UBASH3A: variants seen among roughly 807,000 people sequenced by gnomAD.
UBASH3A encodes the protein ubiquitin-associated and SH3 domain-containing protein A.
Under a neutral mutation model 73.5 loss-of-function variants are expected in UBASH3A, and 63 were observed. The observed-to-expected ratio is 0.86, with a 90% CI of 0.70 to 1.06. The LOEUF is 1.06. Among genes scored for constraint, UBASH3A ranks in the 50% least tolerant of loss-of-function variants. The probability of loss-of-function intolerance (pLI) is 0.00; values close to 1 mark genes in which losing one functional copy is unlikely to be tolerated. For missense variants in UBASH3A, 860 were observed against 859.0 expected, an observed-to-expected ratio of 1.00 and a Z score of -0.02; for synonymous variants, 363 against 351.1, an observed-to-expected ratio of 1.03 and a Z score of -0.38.
At chr21:42,407,126 G>A (rs142039010) in intron 2 of UBASH3A, among the ~76,000 whole-genome samples, 1 of 152,214 alleles carries the variant, frequency 6.6e-6, no homozygotes, top group East Asian at 1.9e-4. Flanking sequence ...CCACTGCCAT[G>A]GGCCTGTTCT....
At position 42,443,265 on chromosome 21, in the gene UBASH3A, C is replaced by A. The variant is rs761673491; in HGVS notation, c.1632-47C>A. Reference sequence around the variant, plus strand: ...CTAACTGCAGCTGAGCCTTCCTAATCCCTACGAAAGTGCCAGGGCAGCAGC... The same window carrying A: ...CTAACTGCAGCTGAGCCTTCCTAATACCTACGAAAGTGCCAGGGCAGCAGC... On this transcript the variant is annotated intron_variant, in intron 12 of 14. Transcript: ENST00000319294. 16 of 1,582,006 alleles carry A rather than the reference C, an allele frequency of 1.0e-5. No individual in the cohort carries two copies. The South Asian group carries it at 1.6e-4, about 16-fold the overall frequency.
intron 5 of UBASH3A, among the ~76,000 whole-genome samples, chr21:42,415,184 C>T (rs944395226): frequency 1.3e-5 from 2 of 152,238 alleles, no homozygotes; most frequent in Non-Finnish European, 2.9e-5. Context: ...GAGAAGGAAA[C>T]GCAAGGACCC....
At position 42,410,290 on chromosome 21, in the gene UBASH3A, G is replaced by A. The variant is rs372078322; in HGVS notation, c.354+682G>A. ...GACAGCCACTGCTCTACTCAGCTCC[G>A]CCAGAGGGGCTTAAGGAAGGGCACA... On this transcript the variant is annotated intron_variant, in intron 3 of 14. Coordinates refer to ENST00000319294, the MANE Select transcript of UBASH3A (RefSeq NM_018961.4). 19 of 632,218 alleles carry A rather than the reference G, an allele frequency of 3.0e-5. No individual in the cohort carries two copies. The Admixed American group carries it at 3.5e-4, about 12-fold the overall frequency. The allele number at this position is 632,218 out of a possible 1,614,324, so 39.2% of individuals were successfully genotyped here. A position where few individuals can be genotyped will look rare whatever the true frequency, so the allele number is the denominator to read the frequency against.
rs1168322993 is a variant in UBASH3A at position 42,413,224 on chromosome 21, T to G, written c.553+2T>G. 3 of 1,614,164 alleles carry G rather than the reference T, an allele frequency of 1.9e-6. No individual in the cohort carries two copies. In the South Asian group the frequency reaches 3.3e-5, roughly 18 times the overall value. On this transcript the variant is annotated splice_donor_variant, in intron 4 of 14. Transcript: ENST00000319294. LOFTEE classifies it high-confidence loss of function. This position sits in a 1 kb window ranked among gnomAD's most constrained non-coding sequence, Gnocchi z 4.5. ...CCACGGAAGCATCTCTCTTAGCAGG[T>G]GGGCAGCCCTGGCCAGTTGCAAACA... is the stretch of plus-strand genomic sequence containing the variant.
intron 5 of UBASH3A, among the ~76,000 whole-genome samples, chr21:42,415,863 C>A (rs2053192022): frequency 6.6e-6 from 1 of 152,218 alleles, no homozygotes; most frequent in Admixed American, 6.5e-5. Flanking sequence ...CAGATCCTGG[C>A]TGCTTTGGTG....
chr21:42,415,618 T>C (rs543520460), intron 5 of UBASH3A, among the ~76,000 whole-genome samples: 3 of 152,290 alleles, frequency 2.0e-5, no homozygotes, highest in Admixed American at 2.0e-4. Flanking sequence ...CAGGAAACTT[T>C]AGGTTAGGAG....
intron 1 of UBASH3A, among the ~76,000 whole-genome samples, chr21:42,404,444 A>G (rs565705707): frequency 2.0e-5 from 3 of 152,200 alleles, no homozygotes; most frequent in African/African-American, 7.2e-5. Context: ...TGGCCCAGGG[A>G]GGCACAAGAA....
chr21:42,417,878 C>CTTTTTTTTTTTTTT (rs796939696), intron 6 of UBASH3A, among the ~76,000 whole-genome samples: 3 of 90,634 alleles, frequency 3.3e-5, no homozygotes, highest in Admixed American at 1.3e-4. Flanking sequence ...TTCTTTTTTT[C>CTTTTTTTTTTTTTT]TTTTTTTTTT....
chr21:42,418,224 G>T (rs536051514), intron 6 of UBASH3A, among the ~76,000 whole-genome samples, 177 bp from the exon 7 acceptor site: 7 of 152,096 alleles, frequency 4.6e-5, no homozygotes, highest in Non-Finnish European at 8.8e-5. Context: ...TCTATGCTGC[G>T]TTTCATTACA....
chr21:42,431,237 G>GC (rs113593003), intron 8 of UBASH3A, among the ~76,000 whole-genome samples: 5,864 of 152,286 alleles, frequency 0.039, 122 homozygotes, highest in African/African-American at 0.052. Context: ...TGAGGACAGA[G>GC]CCCCCCACAA....
intron 13 of UBASH3A, among the ~76,000 whole-genome samples, chr21:42,443,647 G>A (rs2053793230): frequency 6.6e-6 from 1 of 150,476 alleles, no homozygotes; most frequent in South Asian, 2.1e-4. Context: ...CCCATCCTGG[G>A]ACTGAGTGCT....
chr21:42,440,748 T>C (rs1426343971), intron 11 of UBASH3A, among the ~76,000 whole-genome samples: 1 of 152,230 alleles, frequency 6.6e-6, no homozygotes, highest in East Asian at 1.9e-4. Context: ...GTTTCCCTTC[T>C]AGTGAAAACC....
intron 7 of UBASH3A, among the ~76,000 whole-genome samples, chr21:42,422,873 G>T (rs1342807758): frequency 6.6e-6 from 1 of 152,178 alleles, no homozygotes; most frequent in African/African-American, 2.4e-5. Context: ...CCCTGGAAGG[G>T]AGAGTGTCTA....
intron 8 of UBASH3A, among the ~76,000 whole-genome samples, chr21:42,429,214 G>A (rs558144310): frequency 6.6e-6 from 1 of 152,338 alleles, no homozygotes; most frequent in Admixed American, 6.5e-5. Context: ...GTCAGAGGGA[G>A]CATGGCCCTG....
chr21:42,413,459 C>T lies in UBASH3A; in HGVS notation c.603C>T (p.Gly201=), dbSNP rs368845046. The change falls in exon 5 of 15, where the codon GGC becomes GGT. Residue 201 remains glycine, a synonymous_variant. Transcript: ENST00000319294. The surrounding 1 kb of genome is among the most constrained non-coding windows in gnomAD (Gnocchi z 4.5). ...TTTTCAGCCAGGTGCCTGGACATGG[C>T]CCTAACCTGAGGCTGAGCAATTTAA... is the stretch of plus-strand genomic sequence containing the variant. ...FWIFSQVPGH[G]PNLRLSNLTR... The T allele has an allele frequency of 6.3e-5, 102 of 1,614,084 alleles. No individual in the cohort carries two copies. The highest frequency in any genetic ancestry group is 8.1e-5 in the Non-Finnish European group (96 of 1,180,038).
chr21:42,434,800 A>T, intron 9 of UBASH3A, 32 bp from the exon 10 acceptor site: 3 of 1,601,688 alleles, frequency 1.9e-6, no homozygotes, highest in Non-Finnish European at 2.6e-6. Flanking sequence ...AACTTGATGA[A>T]ACTGAACGTC....
intron 10 of UBASH3A, among the ~76,000 whole-genome samples, chr21:42,435,748 TTTATAGAG>T (rs1417954400): frequency 6.6e-6 from 1 of 151,118 alleles, no homozygotes; most frequent in Non-Finnish European, 1.5e-5. Context: ...GAGTCATAGA[TTTATAGAG>T]TTATAGAGTT....
intron 7 of UBASH3A, among the ~76,000 whole-genome samples, chr21:42,420,114 C>T (rs139703655): frequency 1.1e-4 from 17 of 152,202 alleles, no homozygotes; most frequent in Admixed American, 4.6e-4. Flanking sequence ...CACTTTCATA[C>T]AATATATAAT....
At chr21:42,415,668 G>A (rs1370710096) in intron 5 of UBASH3A, among the ~76,000 whole-genome samples, 1 of 152,202 alleles carries the variant, frequency 6.6e-6, no homozygotes, top group Non-Finnish European at 1.5e-5. Context: ...AGGCGCTGCC[G>A]TCCTCCAGCA....
Sources: allele counts gnomAD v4.1 joint callset (sites outside exome capture counted in the v4.1 genomes callset), GRCh38; gene constraint gnomAD v4.1.1; non-coding constraint Gnocchi (gnomAD v3.1); transcripts MANE v1.5; gene names NCBI Gene and HGNC (gene_info 2026-07-23, HGNC 2026-07-21).